Variants in LRRC4B observed in about 807,000 individuals in gnomAD.
LRRC4B encodes leucine rich repeat containing 4B.
In LRRC4B, 1 loss-of-function variant was observed where a neutral mutation model predicts 7.3. That is an observed-to-expected ratio of 0.14 (90% CI 0.05 to 0.65). The LOEUF is 0.65. Ranked by LOEUF, LRRC4B falls within the 30% of genes least tolerant of loss-of-function variation. The pLI is 0.84. For missense variants in LRRC4B, 730 were observed against 1,041.6 expected (o/e 0.70, Z 4.12); for synonymous variants, 500 against 499.2 (o/e 1.00, Z -0.02).
intron 1 of LRRC4B, chr19:50,557,937 G>A (rs1982333683): frequency 6.6e-6 from 1 of 152,134 alleles, no homozygotes. Context: ...CCACTTAGTG[G>A]CTAGTAAATG....
chr19:50,531,017 G>A (rs987884528), intron 2 of LRRC4B, among the ~76,000 whole-genome samples: 13 of 152,054 alleles, frequency 8.5e-5, no homozygotes, highest in Admixed American at 7.9e-4. Flanking sequence ...CAAAGTGCTG[G>A]GATTACAGGC....
chr19:50,544,531 T>A (rs1981715910), intron 2 of LRRC4B, among the ~76,000 whole-genome samples: 1 of 150,632 alleles, frequency 6.6e-6, no homozygotes, highest in Admixed American at 6.6e-5. Flanking sequence ...AATAAAAATA[T>A]AAATAAAAAT....
At chr19:50,546,643 G>A (rs1981824679) in intron 2 of LRRC4B, among the ~76,000 whole-genome samples, 1 of 152,180 alleles carries the variant, frequency 6.6e-6, no homozygotes, top group Non-Finnish European at 1.5e-5. Context: ...ATGATATACG[G>A]AGGGAGCGGG....
At chr19:50,529,065 AC>A (rs962904081) in intron 2 of LRRC4B, among the ~76,000 whole-genome samples, 3 of 151,480 alleles carry the variant, frequency 2.0e-5, no homozygotes, top group Admixed American at 6.6e-5. Context: ...CTGCCAGGGG[AC>A]CCCCCCAGAG....
chr19:50,519,040 G>A lies in LRRC4B; in HGVS notation c.673C>T (p.Leu225=). 6.2e-7 allele frequency: 1 copy of A among 1,610,702 alleles called. No individual in the cohort carries two copies. Residue 225 remains leucine, a synonymous_variant, in exon 3 of 3, where the codon CTG becomes TTG. Coordinates refer to ENST00000652263, the MANE Select transcript of LRRC4B (RefSeq NM_001080457.2). The surrounding 1 kb of genome is among the most constrained non-coding windows in gnomAD (Gnocchi z 8.1). The part of the protein sequence containing the change: ...GMCNLKDIPN[L]TALVRLEELE... ...TCCTCCAGGCGCACCAGGGCCGTCA[G>A]GTTGGGGATGTCCTTGAGGTTGCAC...
chr19:50,554,102 T>A (rs1982193401), intron 1 of LRRC4B, among the ~76,000 whole-genome samples: 1 of 151,042 alleles, frequency 6.6e-6, no homozygotes, highest in Non-Finnish European at 1.5e-5. Flanking sequence ...CAAGCAATTC[T>A]CCTGCCCCAG....
At chr19:50,540,905 C>T (rs1196180120) in intron 2 of LRRC4B, among the ~76,000 whole-genome samples, 3 of 151,426 alleles carry the variant, frequency 2.0e-5, no homozygotes, top group East Asian at 2.0e-4. Context: ...GTGCACCGGC[C>T]GGGCGTGGTG....
Position 50,551,344 on chromosome 19 carries a change from GC to G in LRRC4B, c.-35-2472del, listed in dbSNP as rs946345526. Among the ~76,000 whole-genome samples the G allele has an allele frequency of 3.4e-4, 50 of 148,072 alleles. No homozygotes were observed. In the East Asian group the frequency reaches 9.1e-3, roughly 27 times the overall value. On this transcript the variant is annotated intron_variant, in intron 1 of 2. Coordinates refer to ENST00000652263, the MANE Select transcript of LRRC4B (RefSeq NM_001080457.2). ...GCAGGGGCTTCTTGGGTCTCCCCGCGCCCCCCCCACTGGCCTGTCGCCCTTC... is the reference window on the plus strand; with the variant it reads ...GCAGGGGCTTCTTGGGTCTCCCCGCGCCCCCCCACTGGCCTGTCGCCCTTC...
At chr19:50,527,753 CTTT>C (rs56185801) in intron 2 of LRRC4B, among the ~76,000 whole-genome samples, 2 of 114,366 alleles carry the variant, frequency 1.7e-5, no homozygotes, top group African/African-American at 3.3e-5. Context: ...TTCTTTTTTT[CTTT>C]TTTTTTTTTG....
chr19:50,556,415 C>A lies in LRRC4B; in HGVS notation c.-35-7542G>T, dbSNP rs997015585. On this transcript the variant is annotated intron_variant, in intron 1 of 2. Transcript: ENST00000652263. This position sits in a 1 kb window ranked among gnomAD's most constrained non-coding sequence, Gnocchi z 4.2. ...TCTTCCCATCCACACCAGACCCGTT[C>A]CCCTGAGGGGACTTTGCCCCTGCTG... is the stretch of plus-strand genomic sequence containing the variant. 2.6e-5 allele frequency among the ~76,000 whole-genome samples: 4 copies of A among 152,164 alleles called. No individual in the cohort carries two copies. Among genetic ancestry groups the A allele is most frequent in the African/African-American group, 9.6e-5 (4 of 41,452 alleles).
At chr19:50,535,715 CCT>C (rs1302759628) in intron 2 of LRRC4B, among the ~76,000 whole-genome samples, 2 of 152,184 alleles carry the variant, frequency 1.3e-5, no homozygotes, top group East Asian at 1.9e-4. Context: ...GTTGTGGGCC[CCT>C]GATTCTCACA....
At chr19:50,523,951 T>G (rs1165739285) in intron 2 of LRRC4B, among the ~76,000 whole-genome samples, 2 of 150,342 alleles carry the variant, frequency 1.3e-5, no homozygotes, top group African/African-American at 4.9e-5. Context: ...AGAGTGAGAC[T>G]CTGTCTAAAA....
intron 2 of LRRC4B, among the ~76,000 whole-genome samples, chr19:50,531,587 G>A (rs1432226337): frequency 6.6e-6 from 1 of 152,236 alleles, no homozygotes; most frequent in Non-Finnish European, 1.5e-5. Flanking sequence ...GTTGAAACAT[G>A]TGGCATAGGG....
Position 50,568,069 on chromosome 19 carries a change from G to T in LRRC4B, c.-161C>A. On this transcript the variant is annotated 5_prime_UTR_variant, in exon 1 of 3. Transcript: ENST00000652263. Reference sequence around the variant, plus strand: ...GGGAGGCGCGGGGGGCGGGGCTGCGGCCGGGCCTGGAGCCTCTCGCGCTCT... The same window carrying T: ...GGGAGGCGCGGGGGGCGGGGCTGCGTCCGGGCCTGGAGCCTCTCGCGCTCT... 1 of 151,216 alleles carries T rather than the reference G, an allele frequency of 6.6e-6. No individual in the cohort carries two copies. The allele number at this position is 151,216 out of a possible 1,614,324, so 9.4% of individuals were successfully genotyped here. A position where few individuals can be genotyped will look rare whatever the true frequency, so the allele number is the denominator to read the frequency against.
chr19:50,548,433 C>A lies in LRRC4B; in HGVS notation c.297+109G>T. 7.0e-7 allele frequency: 1 copy of A among 1,429,756 alleles called. No homozygotes were observed. The highest frequency in any genetic ancestry group is 9.4e-7 in the Non-Finnish European group (1 of 1,061,578). 88.6% of individuals were successfully genotyped at this position (1,429,756 alleles called of 1,614,324 possible). A position where few individuals can be genotyped will look rare whatever the true frequency, so the allele number is the denominator to read the frequency against. Reference sequence around the variant, plus strand: ...ACCCGCAGGCCACATCCACAGGTGCCGGAGACGGGGAAGCCCCGGTGTGGG... The same window carrying A: ...ACCCGCAGGCCACATCCACAGGTGCAGGAGACGGGGAAGCCCCGGTGTGGG... On this transcript the variant is annotated intron_variant, in intron 2 of 2. Transcript: ENST00000652263. The surrounding 1 kb of genome is among the most constrained non-coding windows in gnomAD (Gnocchi z 6.8).
intron 1 of LRRC4B, among the ~76,000 whole-genome samples, chr19:50,552,543 CCCATCCATCCGT>C (rs371915617): frequency 6.3e-4 from 95 of 149,956 alleles, no homozygotes; most frequent in African/African-American, 2.0e-3. Flanking sequence ...AACTTATCCG[CCCATCCATCCGT>C]CCATCCATCC....
chr19:50,537,055 G>C lies in LRRC4B; in HGVS notation c.297+11487C>G, dbSNP rs1981325847. Among the ~76,000 whole-genome samples the C allele has an allele frequency of 6.6e-6, 1 of 152,166 alleles. No individual in the cohort carries two copies. The highest frequency in any genetic ancestry group is 1.5e-5 in the Non-Finnish European group (1 of 68,012). On this transcript the variant is annotated intron_variant, in intron 2 of 2. Coordinates refer to ENST00000652263, the MANE Select transcript of LRRC4B (RefSeq NM_001080457.2). This position sits in a 1 kb window ranked among gnomAD's most constrained non-coding sequence, Gnocchi z 5.5. ...GGGCTTCCAGATGAGCAAGGACAAG[G>C]CCAGAGCCAGGCTGGGCTGTGGGGA...
At chr19:50,559,699 T>C (rs1478334261) in intron 1 of LRRC4B, among the ~76,000 whole-genome samples, 2 of 152,244 alleles carry the variant, frequency 1.3e-5, no homozygotes, top group African/African-American at 4.8e-5. Context: ...CCGATCTGTT[T>C]TCTCTCACAG....
chr19:50,551,491 C>T (rs1189023877), intron 1 of LRRC4B, among the ~76,000 whole-genome samples: 2 of 145,092 alleles, frequency 1.4e-5, no homozygotes, highest in Non-Finnish European at 3.0e-5. Flanking sequence ...CCCCCGACCG[C>T]AGCCTCCTTT....
Sources: allele counts gnomAD v4.1 joint callset (sites outside exome capture counted in the v4.1 genomes callset), GRCh38; gene constraint gnomAD v4.1.1; non-coding constraint Gnocchi (gnomAD v3.1); transcripts MANE v1.5; gene names NCBI Gene and HGNC (gene_info 2026-07-23, HGNC 2026-07-21).